The following NAPSA variants were observed in gnomAD, a reference collection of about 807,000 sequenced individuals.
NAPSA encodes the protein napsin-A.
In NAPSA, 37 loss-of-function variants were observed where a neutral mutation model predicts 36.7. The ratio of observed to expected loss-of-function variants is 1.01; its 90% CI spans 0.78 to 1.33. NAPSA has a LOEUF of 1.33. NAPSA is among the 40% of genes most tolerant of loss of function. The pLI is 0.00. For synonymous variants in NAPSA, 222 were observed against 234.5 expected, an observed-to-expected ratio of 0.95 and a Z score of 0.49; for missense variants, 532 against 543.8, an observed-to-expected ratio of 0.98 and a Z score of 0.21.
intron 1 of NAPSA, among the ~76,000 whole-genome samples, chr19:50,364,203 C>G (rs964417084): frequency 2.0e-5 from 3 of 151,688 alleles, no homozygotes; most frequent in African/African-American, 7.3e-5. Flanking sequence ...CGCCTGTAAT[C>G]CCAGCACTTT....
chr19:50,361,027 C>G lies in NAPSA; in HGVS notation c.582G>C (p.Leu194=). ...TCGGGGGCCGAACTCCTTCCACAGA[C>G]AGAATGGGAAAACCGAGGCCCAATA... ...DGILGLGFPI[L]SVEGVRPPMD... The change falls in exon 5 of 9, where the codon CTG becomes CTC. Residue 194 remains leucine, a synonymous_variant. Transcript: ENST00000253719. 1 of 1,614,182 alleles carries G rather than the reference C, an allele frequency of 6.2e-7. No homozygotes were observed. Among genetic ancestry groups the G allele is most frequent in the African/African-American group, 1.3e-5 (1 of 75,040 alleles).
In NAPSA at chr19:50,362,009, C is replaced by G; in HGVS notation, c.309G>C (p.Trp103Cys). 1 of 1,607,578 alleles carries G rather than the reference C, an allele frequency of 6.2e-7. No homozygotes were observed. Among genetic ancestry groups the G allele is most frequent in the Non-Finnish European group, 8.5e-7 (1 of 1,177,174 alleles). Residue 103 changes from tryptophan (W) to cysteine (C), a missense_variant, in exon 3 of 9, where the codon TGG becomes TGC. By Grantham distance (215) the Trp-to-Cys change is radical. Coordinates refer to ENST00000253719, the MANE Select transcript of NAPSA (RefSeq NM_004851.3). ...VAFDTGSSNL[W>C]VPSRRCHFFS... ...AGAAGTGGCATCTCCTGGACGGGAC[C>G]CAGAGATTGGAGGAGCCAGTGTCAA...
chr19:50,359,503 C>G lies in NAPSA; in HGVS notation c.936G>C (p.Glu312Asp). ...CGTACCCACCAGACTGGGACCTCAC[C>G]TCCCCAGCCAGCAAGGGGATTCCCC... Reference protein sequence around the residue: ...AIGGIPLLAGEYIILCSEIPK... With the variant: ...AIGGIPLLAGDYIILCSEIPK... Residue 312 changes from glutamate to aspartate, a missense_variant and splice_region_variant, in exon 7 of 9, where the codon GAG becomes GAC. Glu to Asp is a conservative substitution (Grantham distance 45, BLOSUM62 2). This residue lies in a region of NAPSA where 385 missense variants were observed against 371.5 expected (regional missense o/e 1.04). Coordinates refer to ENST00000253719, the MANE Select transcript of NAPSA (RefSeq NM_004851.3). 2.5e-6 allele frequency: 4 copies of G among 1,614,114 alleles called. No homozygotes were observed. The highest frequency in any genetic ancestry group is 2.5e-6 in the Non-Finnish European group (3 of 1,180,038).
upstream of NAPSA, among the ~76,000 whole-genome samples, chr19:50,368,804 T>A (rs1318597069): frequency 2.0e-5 from 3 of 152,252 alleles, no homozygotes; most frequent in Non-Finnish European, 4.4e-5. Context: ...CACCCGTTTC[T>A]AGAGCTGGAC....
intron 1 of NAPSA, among the ~76,000 whole-genome samples, chr19:50,363,727 C>A (rs535159713): frequency 6.6e-6 from 1 of 152,116 alleles, no homozygotes; most frequent in East Asian, 1.9e-4. Flanking sequence ...CCACACTGAG[C>A]TAATTTTTGT....
Position 50,358,727 on chromosome 19 carries a change from G to A in NAPSA, c.1089C>T (p.Val363=), listed in dbSNP as rs1601122173. 3 of 1,613,358 alleles carry A rather than the reference G, an allele frequency of 1.9e-6. No homozygotes were observed. Among genetic ancestry groups the A allele is most frequent in the Non-Finnish European group, 1.7e-6 (2 of 1,179,952 alleles). ...TCCAGAAGGGCCCTGCAGGCGGAGG[G>A]ACATCCAGGGCCTGGAAACCGGACA... ...LCLSGFQALD[V]PPPAGPFWIL... is the part of the protein sequence containing the mutation. The change falls in exon 9 of 9, where the codon GTC becomes GTT. Residue 363 remains valine (V), a synonymous_variant. Coordinates refer to ENST00000253719, the MANE Select transcript of NAPSA (RefSeq NM_004851.3).
chr19:50,364,263 T>TG (rs1329758275), intron 1 of NAPSA, among the ~76,000 whole-genome samples: 3 of 137,678 alleles, frequency 2.2e-5, no homozygotes, highest in Non-Finnish European at 4.6e-5. Flanking sequence ...TGCAGTGAGC[T>TG]GAGATCGCGC....
intron 1 of NAPSA, 94 bp from the exon 2 acceptor site, chr19:50,362,407 C>A: frequency 8.5e-7 from 1 of 1,180,978 alleles, no homozygotes; most frequent in Non-Finnish European, 1.2e-6. Context: ...AATTCAACAT[C>A]TCCAAGGCAC....
At chr19:50,365,236 A>G (rs1432807862) in intron 1 of NAPSA, among the ~76,000 whole-genome samples, 1 of 151,806 alleles carries the variant, frequency 6.6e-6, no homozygotes, top group Admixed American at 6.6e-5. Context: ...TGGGAAGCTG[A>G]GGCAGGAGAA....
rs373310343 is a variant in NAPSA at position 50,365,607 on chromosome 19, C to T, written c.15G>A (p.Pro5=). 6.8e-6 allele frequency: 11 copies of T among 1,611,548 alleles called. No homozygotes were observed. The highest frequency in any genetic ancestry group is 1.1e-5 in the South Asian group (1 of 90,860). The change falls in exon 1 of 9, where the codon CCG becomes CCA. Residue 5 remains proline (P), a synonymous_variant. Transcript: ENST00000253719. The part of the protein sequence containing the change: MSPP[P]LLQPLLLLLP... ...GCAGCAGCAGCAGGGGTTGCAGCAG[C>T]GGTGGTGGAGACATCGCTGGGGACC...
At chr19:50,365,136 C>G (rs963075643) in intron 1 of NAPSA, among the ~76,000 whole-genome samples, 2 of 150,824 alleles carry the variant, frequency 1.3e-5, no homozygotes, top group Non-Finnish European at 3.0e-5. Context: ...GGGTTCCAGA[C>G]CAGCCTGGCC....
intron 8 of NAPSA, 46 bp from the exon 9 acceptor site, chr19:50,358,826 G>A: frequency 1.3e-6 from 2 of 1,535,724 alleles, no homozygotes; most frequent in Non-Finnish European, 1.8e-6. Flanking sequence ...CCACAAGGAC[G>A]GCCATTTGCC....
In NAPSA at chr19:50,360,941, C is replaced by T. The variant is rs944993270; in HGVS notation, c.668G>A (p.Arg223Lys). The T allele has an allele frequency of 1.2e-6, 2 of 1,613,426 alleles. No individual in the cohort carries two copies. Among genetic ancestry groups the T allele is most frequent in the Non-Finnish European group, 1.7e-6 (2 of 1,179,864 alleles). The change falls in exon 5 of 9, where the codon AGG becomes AAG. Residue 223 changes from arginine (R) to lysine (K), a missense_variant and splice_region_variant. Arg to Lys is a conservative substitution (Grantham distance 26, BLOSUM62 2). Around this residue, in one of 3 missense-constraint regions of NAPSA, gnomAD observed 385 missense variants for 371.5 expected, o/e 1.04. Coordinates refer to ENST00000253719, the MANE Select transcript of NAPSA (RefSeq NM_004851.3). ...TAGATAGGTGCACACTTCCCAGTAC[C>T]TGTTGAGGTAAAAGGAGAAGACAGG... The part of the protein sequence containing the change: ...DKPVFSFYLN[R>K]DPEEPDGGEL...
At chr19:50,366,646 GTTAT>G (rs56341915), upstream of NAPSA, among the ~76,000 whole-genome samples, 10,293 of 144,964 alleles carry the variant, frequency 0.071, 475 homozygotes, top group East Asian at 0.16. Context: ...GCATTGATGA[GTTAT>G]TTATTTATTT....
chr19:50,359,709 A>G (rs1220390849), intron 6 of NAPSA, 31 bp downstream of exon 6: 2 of 1,614,112 alleles, frequency 1.2e-6, no homozygotes, highest in African/African-American at 1.3e-5. Context: ...CCCAGCCTCC[A>G]GCTCCAGAGC....
upstream of NAPSA, among the ~76,000 whole-genome samples, chr19:50,368,784 C>T (rs573008669): frequency 2.0e-5 from 3 of 152,288 alleles, no homozygotes; most frequent in East Asian, 3.9e-4. Context: ...AGCCAAGATT[C>T]CCCAGCCGCC....
chr19:50,360,934 C>G lies in NAPSA; in HGVS notation c.668+7G>C. On this transcript the variant is annotated splice_region_variant and intron_variant, in intron 5 of 8. Coordinates refer to ENST00000253719, the MANE Select transcript of NAPSA (RefSeq NM_004851.3). ...GGACTCATAGATAGGTGCACACTTC[C>G]CAGTACCTGTTGAGGTAAAAGGAGA... The G allele has an allele frequency of 6.2e-7, 1 of 1,613,220 alleles. No individual in the cohort carries two copies. Among genetic ancestry groups the G allele is most frequent in the South Asian group, 1.1e-5 (1 of 91,048 alleles).
At chr19:50,365,723 C>T, upstream of NAPSA, 1 of 960,768 alleles carries the variant, frequency 1.0e-6, no homozygotes, top group Non-Finnish European at 1.6e-6. Flanking sequence ...AGAAGGAGAC[C>T]AGGACATGAA....
chr19:50,361,884 C>T lies in NAPSA; in HGVS notation c.349+85G>A. Reference sequence around the variant, plus strand: ...TGAGGGCATGATAAAAGAACAGTTCCTCAAAAGCCTCTGAGAAGCTGAGGT... The same window carrying T: ...TGAGGGCATGATAAAAGAACAGTTCTTCAAAAGCCTCTGAGAAGCTGAGGT... On this transcript the variant is annotated intron_variant, in intron 3 of 8. Transcript: ENST00000253719. 5.6e-6 allele frequency: 9 copies of T among 1,600,666 alleles called. No homozygotes were observed. The East Asian group carries it at 6.7e-5, about 12-fold the overall frequency.
Sources: allele counts gnomAD v4.1 joint callset (sites outside exome capture counted in the v4.1 genomes callset), GRCh38; gene constraint gnomAD v4.1.1; regional missense constraint gnomAD v4.1.1; transcripts MANE v1.5; gene names NCBI Gene and HGNC (gene_info 2026-07-23, HGNC 2026-07-21).